The following EPHA6 variants were observed in gnomAD, a reference collection of about 807,000 sequenced individuals.
EPHA6 encodes ephrin type-A receptor 6.
EPHA6 carries 50 observed loss-of-function variants against 112.0 expected under a neutral mutation model. That is an observed-to-expected ratio of 0.45 (90% confidence interval 0.36 to 0.56). The LOEUF is 0.56. EPHA6 is among the 20% of genes least tolerant of loss of function. The pLI, the probability that EPHA6 is intolerant of heterozygous loss-of-function variation, is 0.00. For missense variants in EPHA6, 1,280 were observed against 1,417.4 expected (o/e 0.90, Z 1.56); for synonymous variants, 529 against 490.7 (o/e 1.08, Z -1.03).
At chr3:96,837,312 G>C (rs1019711186) in intron 1 of EPHA6, among the ~76,000 whole-genome samples, 3 of 152,104 alleles carry the variant, frequency 2.0e-5, no homozygotes, top group African/African-American at 7.2e-5. Context: ...GATTTCCTGG[G>C]AGATGAGGAA....
intron 6 of EPHA6, among the ~76,000 whole-genome samples, chr3:97,425,185 G>A (rs1053891879): frequency 3.3e-5 from 5 of 150,770 alleles, no homozygotes; most frequent in South Asian, 2.1e-4. Flanking sequence ...GGAGGACAGC[G>A]GCCCTCTTCT....
chr3:97,596,550 T>C (rs1432896236), intron 12 of EPHA6, among the ~76,000 whole-genome samples: 1 of 151,904 alleles, frequency 6.6e-6, no homozygotes, highest in East Asian at 1.9e-4. Flanking sequence ...CTATCTGACA[T>C]CATATGGTAT....
At chr3:97,137,142 T>G (rs2075787000) in intron 3 of EPHA6, among the ~76,000 whole-genome samples, 1 of 152,206 alleles carries the variant, frequency 6.6e-6, no homozygotes. Flanking sequence ...AAATCACATT[T>G]ATAAATTCAG....
chr3:97,166,558 C>T (rs1236240153), intron 3 of EPHA6, among the ~76,000 whole-genome samples: 1 of 152,042 alleles, frequency 6.6e-6, no homozygotes, highest in African/African-American at 2.4e-5. Flanking sequence ...TCATATTTGG[C>T]AGATATTTTA....
chr3:97,608,503 A>G (rs2093695686), intron 12 of EPHA6, among the ~76,000 whole-genome samples: 1 of 151,414 alleles, frequency 6.6e-6, no homozygotes, highest in Non-Finnish European at 1.5e-5. Context: ...TAAGAAAGAA[A>G]AACAACTTAA....
chr3:97,541,325 C>T (rs900899238), intron 11 of EPHA6, among the ~76,000 whole-genome samples: 91 of 152,238 alleles, frequency 6.0e-4, no homozygotes, highest in African/African-American at 2.1e-3. Context: ...TCTCATATAA[C>T]CTTCACTAAC....
At chr3:97,147,453 A>G (rs1178226604) in intron 3 of EPHA6, among the ~76,000 whole-genome samples, 1 of 152,012 alleles carries the variant, frequency 6.6e-6, no homozygotes, top group Non-Finnish European at 1.5e-5. Context: ...GCAAAGCACA[A>G]TGCCAGTCAC....
chr3:97,242,440 A>C (rs1290096568), intron 4 of EPHA6, among the ~76,000 whole-genome samples: 1 of 151,876 alleles, frequency 6.6e-6, no homozygotes. Context: ...ATGTTACCTA[A>C]AACAGGGGTC....
chr3:97,175,431 G>T (rs2076810473), intron 3 of EPHA6, among the ~76,000 whole-genome samples: 1 of 151,218 alleles, frequency 6.6e-6, no homozygotes, highest in Non-Finnish European at 1.5e-5. Flanking sequence ...TATATCTGAA[G>T]GTCATTGGTA....
intron 3 of EPHA6, among the ~76,000 whole-genome samples, chr3:97,216,215 C>T (rs897648215): frequency 1.3e-5 from 2 of 152,104 alleles, no homozygotes; most frequent in African/African-American, 2.4e-5. Flanking sequence ...GAAGGAGAAG[C>T]GGAGCCTGTA....
At chr3:97,394,673 A>G (rs2086601808) in intron 5 of EPHA6, among the ~76,000 whole-genome samples, 1 of 151,840 alleles carries the variant, frequency 6.6e-6, no homozygotes, top group East Asian at 1.9e-4. Context: ...TACATGAAAA[A>G]ATATTAAACA....
intron 6 of EPHA6, among the ~76,000 whole-genome samples, chr3:97,428,737 T>TC (rs34463003): frequency 0.15 from 22,652 of 152,090 alleles, 5,315 homozygotes; most frequent in African/African-American, 0.5. Flanking sequence ...CTTCAAGGAT[T>TC]ACCTGAAGGT....
chr3:96,840,568 A>G (rs1427846552), intron 1 of EPHA6, among the ~76,000 whole-genome samples: 2 of 152,200 alleles, frequency 1.3e-5, no homozygotes, highest in East Asian at 3.9e-4. Flanking sequence ...AGATGAGGAG[A>G]TGAATGACTT....
At chr3:96,871,369 A>G (rs2036614091) in intron 2 of EPHA6, among the ~76,000 whole-genome samples, 1 of 152,068 alleles carries the variant, frequency 6.6e-6, no homozygotes, top group Admixed American at 6.6e-5. Context: ...TGTCTGGTTC[A>G]TAATAAACAT....
At position 97,643,736 on chromosome 3, in the gene EPHA6, A is replaced by C. The variant is rs1299751661; in HGVS notation, c.2784+5654A>C. 3.3e-5 allele frequency among the ~76,000 whole-genome samples: 5 copies of C among 152,004 alleles called. No homozygotes were observed. The East Asian group carries it at 9.7e-4, about 29-fold the overall frequency. On this transcript the variant is annotated intron_variant, in intron 14 of 17. Coordinates refer to ENST00000389672, the MANE Select transcript of EPHA6 (RefSeq NM_001080448.3). ...AGGGATCAATTCAACAAGAAGAGCT[A>C]ACTATCCTAAATATATATGCACCCA...
chr3:97,532,800 T>A (rs1386023601), intron 11 of EPHA6, among the ~76,000 whole-genome samples: 1 of 152,062 alleles, frequency 6.6e-6, no homozygotes, highest in Non-Finnish European at 1.5e-5. Context: ...TAAAGGGTTA[T>A]GTGTTTTTGC....
At chr3:96,909,166 A>C (rs150774471) in intron 2 of EPHA6, among the ~76,000 whole-genome samples, 1 of 152,054 alleles carries the variant, frequency 6.6e-6, no homozygotes, top group African/African-American at 2.4e-5. Context: ...AGATTTTTTA[A>C]AGATGAGCTA....
chr3:97,419,486 G>A (rs2088429374), intron 6 of EPHA6, among the ~76,000 whole-genome samples: 1 of 150,754 alleles, frequency 6.6e-6, no homozygotes, highest in African/African-American at 2.4e-5. Flanking sequence ...TCAGCCTGGT[G>A]TGGTGGCAGG....
At chr3:96,959,775 CA>C (rs372333198) in intron 2 of EPHA6, among the ~76,000 whole-genome samples, 3 of 149,112 alleles carry the variant, frequency 2.0e-5, no homozygotes, top group Non-Finnish European at 4.5e-5. Context: ...AACAGAAAAA[CA>C]AAAAAAATCA....
Sources: gnomAD v4.1 joint callset for allele counts (sites outside exome capture counted in the v4.1 genomes callset) on GRCh38, gnomAD v4.1.1 for gene constraint, MANE v1.5 for transcripts, NCBI Gene and HGNC (gene_info 2026-07-23, HGNC 2026-07-21) for gene names.